NELL1: variants seen among roughly 807,000 people sequenced by gnomAD.
NELL1 encodes protein kinase C-binding protein NELL1.
A neutral mutation model predicts 107.4 loss-of-function variants in NELL1; 76 were observed. The observed-to-expected ratio is 0.71, with a 90% CI of 0.59 to 0.86. NELL1 has a LOEUF of 0.86. Among genes scored for constraint, NELL1 ranks in the 40% least tolerant of loss-of-function variants. The pLI is 0.00. For synonymous variants in NELL1, 353 were observed against 341.2 expected, an observed-to-expected ratio of 1.03 and a Z score of -0.38; for missense variants, 1,024 against 1,005.5, an observed-to-expected ratio of 1.02 and a Z score of -0.25.
intron 15 of NELL1, among the ~76,000 whole-genome samples, chr11:21,408,646 T>C (rs188203563): frequency 6.6e-6 from 1 of 152,192 alleles, no homozygotes; most frequent in East Asian, 1.9e-4. Flanking sequence ...TAGTTTCTTT[T>C]GCTGTGCAGA....
At chr11:21,466,082 G>A (rs1038189756) in intron 15 of NELL1, among the ~76,000 whole-genome samples, 1 of 152,126 alleles carries the variant, frequency 6.6e-6, no homozygotes, top group African/African-American at 2.4e-5. Flanking sequence ...AACCTAGAGA[G>A]GGGGAGGAAT....
intron 4 of NELL1, among the ~76,000 whole-genome samples, chr11:20,865,387 C>T (rs1440026258): frequency 6.6e-6 from 1 of 152,140 alleles, no homozygotes; most frequent in East Asian, 1.9e-4. Context: ...GTATCACCTG[C>T]AATAATCCCT....
At chr11:21,329,663 G>A (rs960906517) in intron 14 of NELL1, among the ~76,000 whole-genome samples, 8 of 151,886 alleles carry the variant, frequency 5.3e-5, no homozygotes, top group African/African-American at 1.9e-4. Context: ...AAAGTACACT[G>A]TATACTTTGG....
chr11:21,497,714 G>GT (rs1487763711), intron 15 of NELL1, among the ~76,000 whole-genome samples: 1 of 151,836 alleles, frequency 6.6e-6, no homozygotes, highest in Non-Finnish European at 1.5e-5. Context: ...CAGTTTTTGT[G>GT]TTTTTTTCTT....
At chr11:21,256,370 A>G (rs1342687613) in intron 14 of NELL1, among the ~76,000 whole-genome samples, 2 of 152,090 alleles carry the variant, frequency 1.3e-5, no homozygotes, top group Admixed American at 1.3e-4. Context: ...AACAGAACTG[A>G]AGAGCTACTG....
intron 13 of NELL1, among the ~76,000 whole-genome samples, chr11:21,215,196 T>C (rs1342314447): frequency 6.6e-6 from 1 of 152,130 alleles, no homozygotes; most frequent in Non-Finnish European, 1.5e-5. Context: ...GATGGTTTTA[T>C]AAAGGGCTAT....
chr11:20,739,687 T>C (rs75655959), intron 2 of NELL1, among the ~76,000 whole-genome samples: 2,393 of 152,250 alleles, frequency 0.016, 57 homozygotes, highest in African/African-American at 0.054. Context: ...TTGCCAGTCA[T>C]GTTAATGGAC....
intron 13 of NELL1, among the ~76,000 whole-genome samples, chr11:21,124,085 G>A (rs931826669): frequency 6.6e-6 from 1 of 152,080 alleles, no homozygotes; most frequent in Non-Finnish European, 1.5e-5. Flanking sequence ...GTATCTCTGA[G>A]TGAATGGTTA....
intron 13 of NELL1, among the ~76,000 whole-genome samples, chr11:21,225,571 T>C (rs1341413763): frequency 6.6e-6 from 1 of 152,216 alleles, no homozygotes; most frequent in Non-Finnish European, 1.5e-5. Context: ...CCTTAAATAC[T>C]CTGTTTGATT....
At chr11:20,706,645 A>G (rs545580292) in intron 2 of NELL1, among the ~76,000 whole-genome samples, 28 of 152,158 alleles carry the variant, frequency 1.8e-4, no homozygotes, top group Admixed American at 1.6e-3. Context: ...CGTTGTGCAC[A>G]TGTACCCTAA....
chr11:21,071,024 C>G (rs1269829807), intron 12 of NELL1, among the ~76,000 whole-genome samples: 1 of 152,196 alleles, frequency 6.6e-6, no homozygotes, highest in Non-Finnish European at 1.5e-5. Flanking sequence ...AGCCCTCCTA[C>G]TTCATATAGT....
intron 10 of NELL1, among the ~76,000 whole-genome samples, chr11:20,939,453 A>G (rs990509903): frequency 1.3e-5 from 2 of 152,006 alleles, no homozygotes; most frequent in African/African-American, 4.8e-5. Context: ...CGGCAAGCAC[A>G]TTGCTGCTGT....
intron 4 of NELL1, among the ~76,000 whole-genome samples, chr11:20,878,357 T>TAAAAA (rs1484239289): frequency 1.7e-4 from 2 of 11,934 alleles, no homozygotes; most frequent in Non-Finnish European, 2.6e-4. Flanking sequence ...AGACCCCGTC[T>TAAAAA]CAAAAAAAAA....
At chr11:21,055,226 T>C (rs1853584937) in intron 12 of NELL1, among the ~76,000 whole-genome samples, 1 of 152,118 alleles carries the variant, frequency 6.6e-6, no homozygotes, top group African/African-American at 2.4e-5. Flanking sequence ...TTATGCTGTG[T>C]TTTTATCATC....
At chr11:20,962,969 A>G (rs61883262) in intron 12 of NELL1, among the ~76,000 whole-genome samples, 10,776 of 152,224 alleles carry the variant, frequency 0.071, 486 homozygotes, top group Non-Finnish European at 0.098. Flanking sequence ...CAGGGGTCAA[A>G]TACTGGGCAT....
Position 21,304,568 on chromosome 11 carries a change from G to GTT in NELL1, c.1550-66275_1550-66274dup, listed in dbSNP as rs58966638. 1.1e-3 allele frequency among the ~76,000 whole-genome samples: 147 copies of GTT among 132,774 alleles called. 1 individual carries two copies. Among genetic ancestry groups the GTT allele is most frequent in the African/African-American group, 4.0e-3 (141 of 34,870 alleles). The allele number at this position is 132,774 out of a possible 152,430, so 87.1% of individuals were successfully genotyped here. A position where few individuals can be genotyped will look rare whatever the true frequency, so the allele number is the denominator to read the frequency against. On this transcript the variant is annotated intron_variant, in intron 14 of 19. Coordinates refer to ENST00000357134, the MANE Select transcript of NELL1 (RefSeq NM_006157.5). ...CTGTACAAATCAGCTTCTTTTGTCTGTTTTTTTTTTTCTCTCTCTCTCCTT... is the reference window on the plus strand; with the variant it reads ...CTGTACAAATCAGCTTCTTTTGTCTGTTTTTTTTTTTTTCTCTCTCTCTCCTT...
At chr11:21,347,962 G>A (rs1299971198) in intron 14 of NELL1, among the ~76,000 whole-genome samples, 4 of 152,098 alleles carry the variant, frequency 2.6e-5, no homozygotes, top group Non-Finnish European at 4.4e-5. Context: ...CTTAGGAGCT[G>A]GAAAGAGAAT....
chr11:20,725,793 G>C (rs1855494931), intron 2 of NELL1, among the ~76,000 whole-genome samples: 1 of 152,118 alleles, frequency 6.6e-6, no homozygotes, highest in East Asian at 1.9e-4. Flanking sequence ...CCATGTGCAG[G>C]TTTGTTACCT....
chr11:20,835,301 G>A (rs1256357944), intron 3 of NELL1, among the ~76,000 whole-genome samples: 1 of 152,104 alleles, frequency 6.6e-6, no homozygotes, highest in Non-Finnish European at 1.5e-5. Context: ...TTTGACAAGA[G>A]GCATACTTTG....
Sources: allele counts gnomAD v4.1 joint callset (sites outside exome capture counted in the v4.1 genomes callset), GRCh38; gene constraint gnomAD v4.1.1; transcripts MANE v1.5; gene names NCBI Gene and HGNC (gene_info 2026-07-23, HGNC 2026-07-21).